Variants in UPK1A observed in about 807,000 individuals in gnomAD.
UPK1A encodes the protein uroplakin-1a.
In UPK1A, 31 loss-of-function variants were observed where a neutral mutation model predicts 32.3. The observed-to-expected ratio is 0.96, with a 90% confidence interval of 0.72 to 1.30. UPK1A has a LOEUF of 1.30. Ranked by LOEUF, UPK1A falls within the 50% of genes most tolerant of loss-of-function variation. The pLI is 0.00. For synonymous variants in UPK1A, 135 were observed against 137.1 expected (o/e 0.98, Z 0.11); for missense variants, 340 against 357.4 (o/e 0.95, Z 0.39).
intron 7 of UPK1A, 36 bp from the exon 8 acceptor site, chr19:35,677,939 G>A: frequency 6.3e-7 from 1 of 1,586,164 alleles, no homozygotes; most frequent in Non-Finnish European, 8.6e-7. Flanking sequence ...TGGGGGTGGG[G>A]GGCGGAGTGC....
At chr19:35,676,715 A>T (rs1968187836) in intron 6 of UPK1A, among the ~76,000 whole-genome samples, 1 of 151,764 alleles carries the variant, frequency 6.6e-6, no homozygotes, top group African/African-American at 2.4e-5. Context: ...CCTGACCAAC[A>T]TGGCGAAACC....
chr19:35,673,335 C>T, intron 4 of UPK1A, 29 bp downstream of exon 4: 1 of 1,613,598 alleles, frequency 6.2e-7, no homozygotes, highest in Non-Finnish European at 8.5e-7. Flanking sequence ...GGGGAGGGGC[C>T]TGACCTGCAT....
intron 6 of UPK1A, 93 bp from the exon 7 acceptor site, chr19:35,677,719 G>T: frequency 6.9e-7 from 1 of 1,449,460 alleles, no homozygotes; most frequent in Non-Finnish European, 9.5e-7. Context: ...GCTCAGGGAA[G>T]GTGGTGACTT....
exon 8 of UPK1A, chr19:35,678,097 G>A: frequency 6.8e-7 from 1 of 1,476,112 alleles, no homozygotes; most frequent in African/African-American, 1.4e-5. Context: ...GGGCCTGGAT[G>A]GCTGCCTCAC....
intron 1 of UPK1A, 118 bp from the exon 2 acceptor site, chr19:35,666,691 A>C (rs1968001511): frequency 9.9e-7 from 1 of 1,014,486 alleles, no homozygotes; most frequent in East Asian, 2.4e-5. Flanking sequence ...GTACATCAGT[A>C]CCAGCCTGGG....
exon 8 of UPK1A, chr19:35,678,062 G>C (rs1360114801): frequency 1.3e-6 from 2 of 1,526,020 alleles, no homozygotes; most frequent in Non-Finnish European, 1.8e-6. Context: ...GGACTCCTCC[G>C]CATCCTCCTC....
Position 35,666,906 on chromosome 19 carries a change from GC to G in UPK1A, c.84+14del, listed in dbSNP as rs373014974. ...CAATATCATTATTCTGGTGAGACTC[GC>G]CCCAGTGCTGGGAGCCGAGTGGTTG... On this transcript the variant is annotated intron_variant, in intron 2 of 7. Transcript: ENST00000617999. 4.3e-6 allele frequency: 7 copies of G among 1,613,708 alleles called. No individual in the cohort carries two copies. In the African/African-American group the frequency reaches 5.3e-5, roughly 12 times the overall value.
chr19:35,678,147 C>A, exon 8 of UPK1A: 1 of 1,195,844 alleles, frequency 8.4e-7, no homozygotes, highest in Non-Finnish European at 1.1e-6. Context: ...CGTCCTTCCA[C>A]TTCCAAGATC....
At chr19:35,670,081 G>A (rs1013183048) in intron 3 of UPK1A, among the ~76,000 whole-genome samples, 1 of 152,210 alleles carries the variant, frequency 6.6e-6, no homozygotes, top group Admixed American at 6.5e-5. Context: ...CACTGCCAGG[G>A]AAAGCAAAGA....
At chr19:35,676,105 C>G in intron 6 of UPK1A, 86 bp downstream of exon 6, 1 of 1,409,484 alleles carries the variant, frequency 7.1e-7, no homozygotes, top group Non-Finnish European at 9.6e-7. Flanking sequence ...TCTCTTTCTC[C>G]CTCCCTGTGT....
chr19:35,666,939 G>T (rs1395500332), intron 2 of UPK1A, 43 bp downstream of exon 2: 3 of 1,605,604 alleles, frequency 1.9e-6, no homozygotes, highest in African/African-American at 2.7e-5. Context: ...GTTGTGTGGT[G>T]GGGAGGGGAC....
exon 6 of UPK1A, chr19:35,675,856 C>T (rs149207958): frequency 1.2e-6 from 2 of 1,612,760 alleles, no homozygotes; most frequent in African/African-American, 2.7e-5. Context: ...TGCTGTGGCA[C>T]ATCTGGTCCC....
At chr19:35,676,195 C>CTTTTTTTTTTTT in intron 6 of UPK1A, 176 bp downstream of exon 6, 1 of 589,694 alleles carries the variant, frequency 1.7e-6, no homozygotes, top group South Asian at 2.8e-5. Flanking sequence ...TTCTTTCTTT[C>CTTTTTTTTTTTT]TTTTTTTTTT....
At chr19:35,677,507 CAGAG>C (rs998977275) in intron 6 of UPK1A, among the ~76,000 whole-genome samples, 1 of 149,336 alleles carries the variant, frequency 6.7e-6, no homozygotes, top group African/African-American at 2.5e-5. Context: ...GCCTGGGTGA[CAGAG>C]GGAGACTGCG....
Position 35,666,947 on chromosome 19 carries a change from GA to G in UPK1A, c.84+52del, listed in dbSNP as rs1568346119. ...CCGAGTGGTTGTGTGGTGGGGAGGGGACAGTCCTGAGCTCGGGGTGGGGGAT... is the reference window on the plus strand; with the variant it reads ...CCGAGTGGTTGTGTGGTGGGGAGGGGCAGTCCTGAGCTCGGGGTGGGGGAT... On this transcript the variant is annotated intron_variant, in intron 2 of 7. Transcript: ENST00000617999. The G allele has an allele frequency of 1.0e-5, 16 of 1,592,092 alleles. No individual in the cohort carries two copies. In the East Asian group the frequency reaches 3.6e-4, roughly 36 times the overall value.
At chr19:35,667,574 T>C (rs1255771367) in intron 2 of UPK1A, among the ~76,000 whole-genome samples, 6 of 151,466 alleles carry the variant, frequency 4.0e-5, no homozygotes, top group Non-Finnish European at 8.8e-5. Context: ...GCTCACTGCA[T>C]CCTCCACCTC....
At chr19:35,675,114 T>C (rs1968162003) in intron 5 of UPK1A, among the ~76,000 whole-genome samples, 1 of 151,410 alleles carries the variant, frequency 6.6e-6, no homozygotes, top group Non-Finnish European at 1.5e-5. Flanking sequence ...GCCCAAGTCC[T>C]CTAGCTAGCC....
intron 5 of UPK1A, among the ~76,000 whole-genome samples, chr19:35,675,041 CAAAAA>C (rs1174443353): frequency 3.8e-5 from 3 of 78,878 alleles, no homozygotes; most frequent in Admixed American, 1.4e-4. Context: ...GACTCCGTCT[CAAAAA>C]AAAAAAAAAA....
At chr19:35,676,163 T>C (rs1968178195) in intron 6 of UPK1A, 144 bp downstream of exon 6, 12 of 960,224 alleles carry the variant, frequency 1.2e-5, no homozygotes, top group Non-Finnish European at 1.8e-5. Context: ...CTGATTTTCT[T>C]GTTTTCTTTT....
Sources: allele counts gnomAD v4.1 joint callset (sites outside exome capture counted in the v4.1 genomes callset), GRCh38; gene constraint gnomAD v4.1.1; transcripts MANE v1.5; gene names NCBI Gene and HGNC (gene_info 2026-07-23, HGNC 2026-07-21).